The following NLN variants were observed in gnomAD, a reference collection of about 807,000 sequenced individuals.
NLN encodes neurolysin.
Under a neutral mutation model 79.9 loss-of-function variants are expected in NLN, and 64 were observed. That is an observed-to-expected ratio of 0.80 (90% CI 0.65 to 0.99). The LOEUF is 0.99. NLN is among the 50% of genes least tolerant of loss of function. NLN has a pLI of 0.00. For missense variants in NLN, 835 were observed against 858.7 expected (o/e 0.97, Z 0.34); for synonymous variants, 267 against 296.6 (o/e 0.90, Z 1.02).
intron 12 of NLN, among the ~76,000 whole-genome samples, chr5:65,821,042 C>CAAAA (rs1326744179): frequency 1.7e-5 from 1 of 57,516 alleles, no homozygotes; most frequent in Non-Finnish European, 3.6e-5. Context: ...GACTCTGTCT[C>CAAAA]AAAAAAAAAA....
rs1166586662 is a variant in NLN, at chr5:65,733,540, T to G, written c.41+11126T>G. ...ATCCTTGCCCCAATTCGGGCTGAGC[T>G]GATGTGTACAGTCAGGGAAGTCAGG... On this transcript the variant is annotated intron_variant, in intron 1 of 12. Transcript: ENST00000380985. 1.4e-6 allele frequency: 2 copies of G among 1,475,076 alleles called. 1 individual carries two copies. The highest frequency in any genetic ancestry group is 1.9e-6 in the Non-Finnish European group (2 of 1,069,550). The allele number at this position is 1,475,076 out of a possible 1,614,324, so 91.4% of individuals were successfully genotyped here.
intron 4 of NLN, among the ~76,000 whole-genome samples, chr5:65,779,224 T>TG (rs1286276937): frequency 6.6e-6 from 1 of 152,280 alleles, no homozygotes; most frequent in East Asian, 1.9e-4. Context: ...AGGTTTAGTG[T>TG]GGGGGTCCCA....
At chr5:65,781,850 T>C in intron 6 of NLN, among the ~76,000 whole-genome samples, 1 of 152,226 alleles carries the variant, frequency 6.6e-6, no homozygotes, top group Admixed American at 6.5e-5. Flanking sequence ...CATTTGTTAA[T>C]TCCCAGTTAC....
At chr5:65,765,764 G>A (rs1222649921) in intron 3 of NLN, among the ~76,000 whole-genome samples, 1 of 151,346 alleles carries the variant, frequency 6.6e-6, no homozygotes, top group Non-Finnish European at 1.5e-5. Context: ...GGATAAATAG[G>A]ATCTTAAATT....
intron 9 of NLN, among the ~76,000 whole-genome samples, chr5:65,801,773 A>C (rs1189861515): frequency 6.6e-6 from 1 of 151,896 alleles, no homozygotes; most frequent in Non-Finnish European, 1.5e-5. Context: ...CTGTGTTCTT[A>C]TTTTATTCAG....
intron 1 of NLN, among the ~76,000 whole-genome samples, chr5:65,743,012 G>A (rs1445699106): frequency 6.6e-6 from 1 of 152,148 alleles, no homozygotes; most frequent in Non-Finnish European, 1.5e-5. Flanking sequence ...GTTATATGCT[G>A]AACACATTCT....
At chr5:65,795,075 G>T (rs1456704550) in intron 9 of NLN, among the ~76,000 whole-genome samples, 1 of 152,000 alleles carries the variant, frequency 6.6e-6, no homozygotes, top group Non-Finnish European at 1.5e-5. Flanking sequence ...AGCACTGACT[G>T]GGCGTGGTGG....
At chr5:65,805,010 G>C (rs1418562344) in intron 9 of NLN, among the ~76,000 whole-genome samples, 1 of 152,106 alleles carries the variant, frequency 6.6e-6, no homozygotes, top group East Asian at 1.9e-4. Context: ...CAGTATTTCA[G>C]ACTTTTCCAT....
At chr5:65,776,569 G>A (rs1759683532) in intron 3 of NLN, among the ~76,000 whole-genome samples, 2 of 152,156 alleles carry the variant, frequency 1.3e-5, no homozygotes, top group Admixed American at 1.3e-4. Context: ...CAACCAAACT[G>A]AATCCATTAC....
intron 1 of NLN, among the ~76,000 whole-genome samples, chr5:65,748,873 G>C (rs1035597633): frequency 6.6e-6 from 1 of 152,214 alleles, no homozygotes; most frequent in Non-Finnish European, 1.5e-5. Flanking sequence ...TGGTTTGGCT[G>C]TGTCCCTACC....
rs1178819263 is a variant in NLN at position 65,729,974 on chromosome 5, G to A, written c.41+7560G>A. Among the ~76,000 whole-genome samples, 3 of 152,222 alleles carry A rather than the reference G, an allele frequency of 2.0e-5. No homozygotes were observed. In the East Asian group the frequency reaches 5.8e-4, roughly 29 times the overall value. On this transcript the variant is annotated intron_variant, in intron 1 of 12. Transcript: ENST00000380985. The stretch of plus-strand genomic sequence containing the variant: ...GCTGGTTTTGCCACTGACTAGCATT[G>A]TGATCTTAGGCAAGAATACTTAAGT...
chr5:65,781,956 T>C (rs976814087), intron 6 of NLN, among the ~76,000 whole-genome samples: 2 of 152,168 alleles, frequency 1.3e-5, no homozygotes, highest in African/African-American at 4.8e-5. Context: ...AGACAAGTTA[T>C]CAGCTCCTCA....
intron 9 of NLN, chr5:65,793,050 C>A: frequency 3.3e-6 from 1 of 300,420 alleles, no homozygotes; most frequent in South Asian, 2.9e-5. Context: ...TCCTCTTAGA[C>A]CCTTTACTCA....
Position 65,722,260 on chromosome 5 carries a change from G to A in NLN, c.-114G>A. On this transcript the variant is annotated 5_prime_UTR_variant, in exon 1 of 13. Coordinates refer to ENST00000380985, the MANE Select transcript of NLN (RefSeq NM_020726.5). ...AGGGCGCTGGCCAGGCAGCCACTGTGGCCTCTGCGGCTAGGCCGGCTCGAG... is the reference window on the plus strand; with the variant it reads ...AGGGCGCTGGCCAGGCAGCCACTGTAGCCTCTGCGGCTAGGCCGGCTCGAG... The A allele has an allele frequency of 1.4e-6, 1 of 711,434 alleles. No individual in the cohort carries two copies. Among genetic ancestry groups the A allele is most frequent in the Non-Finnish European group, 2.1e-6 (1 of 465,860 alleles). The allele number at this position is 711,434 out of a possible 1,614,324, so 44.1% of individuals were successfully genotyped here.
intron 1 of NLN, chr5:65,733,432 C>T (rs1282085265): frequency 1.4e-6 from 2 of 1,477,770 alleles, no homozygotes; most frequent in African/African-American, 1.5e-5. Context: ...CTGTGTCACA[C>T]AGGCGGGCTG....
At chr5:65,762,867 T>G (rs909095760) in intron 2 of NLN, 93 bp from the exon 3 acceptor site, 2 of 1,218,756 alleles carry the variant, frequency 1.6e-6, no homozygotes, top group Non-Finnish European at 2.3e-6. Flanking sequence ...AAACTTTTAT[T>G]GGCATGATCA....
chr5:65,741,706 T>C (rs1193424795), intron 1 of NLN, among the ~76,000 whole-genome samples: 2 of 152,224 alleles, frequency 1.3e-5, no homozygotes, highest in Non-Finnish European at 2.9e-5. Flanking sequence ...GAGTTGTGGT[T>C]TTCCATGTAT....
At chr5:65,755,885 T>G (rs1274403446) in intron 1 of NLN, among the ~76,000 whole-genome samples, 1 of 152,038 alleles carries the variant, frequency 6.6e-6, no homozygotes, top group Non-Finnish European at 1.5e-5. Context: ...CTGCGTTAGC[T>G]CTCCTTATTT....
chr5:65,788,773 A>C (rs949988790), intron 8 of NLN, among the ~76,000 whole-genome samples: 1 of 152,126 alleles, frequency 6.6e-6, no homozygotes, highest in Non-Finnish European at 1.5e-5. Context: ...GGACTTCAAG[A>C]CCAGACTGGG....
Sources: allele counts gnomAD v4.1 joint callset (sites outside exome capture counted in the v4.1 genomes callset), GRCh38; gene constraint gnomAD v4.1.1; transcripts MANE v1.5; gene names NCBI Gene and HGNC (gene_info 2026-07-23, HGNC 2026-07-21).